AFF4: variants seen among roughly 807,000 people sequenced by gnomAD.
AFF4 encodes AF4/FMR2 family member 4.
A neutral mutation model predicts 124.8 loss-of-function variants in AFF4; 13 were observed. That is an observed-to-expected ratio of 0.10 (90% CI 0.07 to 0.17). The LOEUF (loss-of-function observed/expected upper bound fraction) is 0.17, where lower values mean the gene tolerates loss of function less well. Among genes scored for constraint, AFF4 ranks in the 10% least tolerant of loss-of-function variants. The pLI is 1.00. For missense variants in AFF4, 1,092 were observed against 1,403.8 expected, an observed-to-expected ratio of 0.78 and a Z score of 3.55; for synonymous variants, 477 against 496.1, an observed-to-expected ratio of 0.96 and a Z score of 0.51.
chr5:132,895,899 T>G (rs565476934), intron 11 of AFF4, among the ~76,000 whole-genome samples: 1 of 141,434 alleles, frequency 7.1e-6, no homozygotes, highest in African/African-American at 2.6e-5. Flanking sequence ...TAGAGGTGCA[T>G]AGCAGATTAG....
intron 1 of AFF4, among the ~76,000 whole-genome samples, chr5:132,954,794 G>T (rs1035983305): frequency 1.4e-4 from 21 of 152,072 alleles, no homozygotes. Flanking sequence ...TGATCCGCCC[G>T]CCTCGGCCTC....
Position 132,934,520 on chromosome 5 carries a change from C to T in AFF4, c.545G>A (p.Gly182Glu). 1 of 1,614,036 alleles carries T rather than the reference C, an allele frequency of 6.2e-7. No homozygotes were observed. Among genetic ancestry groups the T allele is most frequent in the East Asian group, 2.2e-5 (1 of 44,890 alleles). The change falls in exon 3 of 21, where the codon GGA becomes GAA. Residue 182 changes from glycine (G) to glutamate (E), a missense_variant. Gly to Glu is a moderately conservative substitution (Grantham distance 98, BLOSUM62 -2). This residue lies in a region of AFF4 where 188 missense variants were observed against 203.0 expected (regional missense o/e 0.93). Transcript: ENST00000265343. The stretch of plus-strand genomic sequence containing the variant: ...TAATGAAGAAACAGCCTGGGGTTTT[C>T]CAGGGCTGGAAGAACGTGATTTGGA... ...EHSKSRSSSP[G>E]KPQAVSSLNS...
At chr5:132,906,411 C>T (rs74792090) in intron 5 of AFF4, among the ~76,000 whole-genome samples, 9 of 152,090 alleles carry the variant, frequency 5.9e-5, no homozygotes, top group Admixed American at 1.3e-4. Context: ...TACTTATACA[C>T]TGGAATATTA....
intron 7 of AFF4, among the ~76,000 whole-genome samples, 187 bp from the exon 8 acceptor site, chr5:132,899,828 A>G (rs1188546040): frequency 6.6e-6 from 1 of 152,226 alleles, no homozygotes; most frequent in East Asian, 1.9e-4. Context: ...GAATGGAGGA[A>G]TTTAACCATT....
chr5:132,881,806 C>T (rs1759985552), intron 20 of AFF4, among the ~76,000 whole-genome samples: 2 of 151,452 alleles, frequency 1.3e-5, no homozygotes, highest in Admixed American at 6.6e-5. Context: ...GCTGCCTCAG[C>T]CAAATATAAA....
chr5:132,912,624 G>C (rs1437760495), intron 5 of AFF4, among the ~76,000 whole-genome samples: 1 of 152,126 alleles, frequency 6.6e-6, no homozygotes, highest in Non-Finnish European at 1.5e-5. Context: ...GACTCCCAAA[G>C]TGCTAGGATT....
chr5:132,888,976 G>A (rs541932480), intron 14 of AFF4, 103 bp downstream of exon 14: 21 of 1,090,430 alleles, frequency 1.9e-5, no homozygotes, highest in Admixed American at 1.1e-4. Flanking sequence ...GATTACAAGC[G>A]TGAGCCACCG....
At chr5:132,949,753 T>G (rs2150109795) in intron 1 of AFF4, among the ~76,000 whole-genome samples, 1 of 149,350 alleles carries the variant, frequency 6.7e-6, no homozygotes, top group East Asian at 2.0e-4. Flanking sequence ...TCCCGGCTAC[T>G]CGGGAGGCTG....
intron 5 of AFF4, among the ~76,000 whole-genome samples, chr5:132,920,355 C>CTT (rs1761014171): frequency 2.4e-5 from 3 of 123,456 alleles, no homozygotes; most frequent in African/African-American, 9.9e-5. Flanking sequence ...AGCGGGCAAA[C>CTT]ATTTTTTTTT....
chr5:132,935,653 C>T (rs1301468239), intron 2 of AFF4, among the ~76,000 whole-genome samples: 3 of 151,934 alleles, frequency 2.0e-5, no homozygotes, highest in Non-Finnish European at 4.4e-5. Context: ...TGTCTGTAAT[C>T]CCAGCTACTC....
At chr5:132,891,938 T>A in intron 13 of AFF4, 1 of 653,124 alleles carries the variant, frequency 1.5e-6, no homozygotes, top group Non-Finnish European at 2.6e-6. Flanking sequence ...TGAGCCACTG[T>A]ACCCAAGGGT....
chr5:132,943,027 G>A (rs1761609616), intron 1 of AFF4: 1 of 213,106 alleles, frequency 4.7e-6, no homozygotes, highest in Non-Finnish European at 1.0e-5. Flanking sequence ...ACAGTTCCCT[G>A]CGGAAACTTG....
intron 1 of AFF4, among the ~76,000 whole-genome samples, chr5:132,939,685 A>G (rs1581323947): frequency 6.6e-6 from 1 of 152,328 alleles, no homozygotes; most frequent in Admixed American, 6.5e-5. Flanking sequence ...ATCTCGGCTC[A>G]CTGCAACCTC....
chr5:132,909,566 T>TA (rs1760746650), intron 5 of AFF4, among the ~76,000 whole-genome samples: 1 of 152,104 alleles, frequency 6.6e-6, no homozygotes, highest in Non-Finnish European at 1.5e-5. Flanking sequence ...GTGTGTGAGA[T>TA]AGAGAGATTA....
intron 1 of AFF4, among the ~76,000 whole-genome samples, chr5:132,956,880 C>T (rs953666332): frequency 9.3e-5 from 14 of 150,896 alleles, no homozygotes; most frequent in Non-Finnish European, 1.5e-4. Context: ...ATTGGCCGGG[C>T]ATGGTGGCAG....
chr5:132,892,934 C>T, intron 12 of AFF4, 96 bp downstream of exon 12: 2 of 1,190,350 alleles, frequency 1.7e-6, no homozygotes, highest in Non-Finnish European at 1.2e-6. Context: ...CACTTGCTTA[C>T]TAAAAGGAAC....
At chr5:132,909,501 T>A (rs11952262) in intron 5 of AFF4, among the ~76,000 whole-genome samples, 1 of 152,112 alleles carries the variant, frequency 6.6e-6, no homozygotes, top group East Asian at 1.9e-4. Flanking sequence ...AAATACATTA[T>A]GAAAAGATAC....
chr5:132,935,816 G>A (rs139683726), intron 2 of AFF4, among the ~76,000 whole-genome samples: 2,224 of 149,962 alleles, frequency 0.015, 64 homozygotes, highest in African/African-American at 0.052. Flanking sequence ...CCAGCTACTC[G>A]AGAGGCTGAG....
At chr5:132,939,761 C>A (rs1761523770) in intron 1 of AFF4, among the ~76,000 whole-genome samples, 1 of 152,232 alleles carries the variant, frequency 6.6e-6, no homozygotes, top group South Asian at 2.1e-4. Context: ...CAGGCACCTG[C>A]CACCACGCCC....
Sources: gnomAD v4.1 joint callset for allele counts (sites outside exome capture counted in the v4.1 genomes callset) on GRCh38, gnomAD v4.1.1 for gene constraint, gnomAD v4.1.1 regional missense constraint, MANE v1.5 for transcripts, NCBI Gene and HGNC (gene_info 2026-07-23, HGNC 2026-07-21) for gene names.